Variants in MAPK9 observed in about 807,000 individuals in gnomAD.
MAPK9 encodes mitogen-activated protein kinase 9, also known as Jun kinase.
Under a neutral mutation model 57.1 loss-of-function variants are expected in MAPK9, and 30 were observed. The ratio of observed to expected loss-of-function variants is 0.53; its 90% CI spans 0.39 to 0.71. The LOEUF is 0.71. Ranked by LOEUF, MAPK9 falls within the 30% of genes least tolerant of loss-of-function variation. The pLI is 0.00. For missense variants in MAPK9, 362 were observed against 521.0 expected (o/e 0.69, Z 2.97); for synonymous variants, 155 against 177.0 (o/e 0.88, Z 0.99).
At chr5:180,254,851 G>C (rs1759098600) in intron 5 of MAPK9, among the ~76,000 whole-genome samples, 1 of 152,130 alleles carries the variant, frequency 6.6e-6, no homozygotes, top group South Asian at 2.1e-4. Flanking sequence ...TGGGTAACAA[G>C]GTGAAACCCT....
Position 180,261,640 on chromosome 5 carries a change from C to G in MAPK9, c.450+44G>C, listed in dbSNP as rs1388067925. On this transcript the variant is annotated intron_variant, in intron 5 of 11. Transcript: ENST00000452135. ...TTTGTATGTAAAGGATTATGACAAC[C>G]AAATGATTGTTTTTAAAAATAAAAT... 5 of 1,517,390 alleles carry G rather than the reference C, an allele frequency of 3.3e-6. No homozygotes were observed. The African/African-American group carries it at 7.0e-5, about 21-fold the overall frequency. The allele number at this position is 1,517,390 out of a possible 1,614,324, so 94.0% of individuals were successfully genotyped here.
intron 6 of MAPK9, among the ~76,000 whole-genome samples, chr5:180,248,601 G>GGA (rs1758358986): frequency 1.3e-5 from 2 of 152,294 alleles, no homozygotes; most frequent in East Asian, 3.9e-4. Flanking sequence ...CCATGGTACT[G>GGA]GAGATCAGGA....
chr5:180,263,669 A>C (rs868805469), intron 4 of MAPK9, among the ~76,000 whole-genome samples: 1 of 146,556 alleles, frequency 6.8e-6, no homozygotes, highest in African/African-American at 2.5e-5. Flanking sequence ...TTCTATCTCC[A>C]TTCTACTTGC....
intron 10 of MAPK9, among the ~76,000 whole-genome samples, 163 bp from the exon 11 acceptor site, chr5:180,238,566 A>G (rs1330558062): frequency 3.4e-5 from 5 of 148,780 alleles, no homozygotes; most frequent in African/African-American, 9.9e-5. Context: ...GGACCAAAAT[A>G]TTCATATTTT....
Position 180,242,628 on chromosome 5 carries a change from T to C in MAPK9, c.816A>G (p.Glu272=), listed in dbSNP as rs1304948871. The change falls in exon 8 of 12, where the codon GAA becomes GAG. Residue 272 remains glutamate (E), a synonymous_variant. Transcript: ENST00000452135. ...NRPKYPGIKF[E]ELFPDWIFPS... is the part of the protein sequence containing the mutation. Reference sequence around the variant, plus strand: ...GGAATATCCAATCTGGAAAGAGTTCTTCAAATTTGATTCCAGGATACTTTG... The same window carrying C: ...GGAATATCCAATCTGGAAAGAGTTCCTCAAATTTGATTCCAGGATACTTTG... 6 of 1,614,074 alleles carry C rather than the reference T, an allele frequency of 3.7e-6. No individual in the cohort carries two copies. The highest frequency in any genetic ancestry group is 5.1e-6 in the Non-Finnish European group (6 of 1,180,028).
intron 5 of MAPK9, among the ~76,000 whole-genome samples, chr5:180,260,558 T>G (rs973007379): frequency 6.6e-5 from 10 of 152,192 alleles, no homozygotes; most frequent in African/African-American, 2.4e-4. Context: ...CCACCTTATT[T>G]AACACGAAAA....
chr5:180,249,069 G>C lies in MAPK9; in HGVS notation c.520C>G (p.Arg174Gly). The change falls in exon 6 of 12, where the codon CGG becomes GGG. Residue 174 changes from arginine (R) to glycine (G), a missense_variant. By Grantham distance (125) the Arg-to-Gly change is moderately radical. This residue lies in a region of MAPK9 where 127 missense variants were observed against 231.7 expected (regional missense o/e 0.55). Coordinates refer to ENST00000452135, the MANE Select transcript of MAPK9 (RefSeq NM_002752.5). ...TLKILDFGLA[R>G]TACTNFMMTP... ...ATCATGAAGTTAGTGCACGCTGTCC[G>C]GGCCAGGCCAAAGTCAAGGATCTTC... 6.2e-7 allele frequency: 1 copy of C among 1,614,016 alleles called. No homozygotes were observed. Among genetic ancestry groups the C allele is most frequent in the Non-Finnish European group, 8.5e-7 (1 of 1,179,952 alleles).
intron 9 of MAPK9, among the ~76,000 whole-genome samples, chr5:180,240,396 T>G (rs1056256050): frequency 2.4e-4 from 37 of 152,366 alleles, no homozygotes; most frequent in African/African-American, 8.9e-4. Context: ...AATGTCCAAC[T>G]CATAAATGGA....
chr5:180,288,519 C>G (rs1356547205), intron 1 of MAPK9, among the ~76,000 whole-genome samples: 1 of 152,124 alleles, frequency 6.6e-6, no homozygotes, highest in Non-Finnish European at 1.5e-5. Flanking sequence ...AGAGACCTAC[C>G]GAAGTGTGAA....
chr5:180,289,052 G>C (rs910515178), intron 1 of MAPK9, among the ~76,000 whole-genome samples: 5 of 152,198 alleles, frequency 3.3e-5, no homozygotes, highest in African/African-American at 1.2e-4. Flanking sequence ...CAAGTGTGAG[G>C]TGTAACTACT....
intron 3 of MAPK9, among the ~76,000 whole-genome samples, chr5:180,267,308 TC>T (rs755612957): frequency 1.4e-4 from 21 of 152,082 alleles, no homozygotes; most frequent in Non-Finnish European, 2.8e-4. Context: ...ACGCCTGTAA[TC>T]CCAGCACTTT....
intron 7 of MAPK9, among the ~76,000 whole-genome samples, chr5:180,245,566 G>C (rs950758580): frequency 6.6e-6 from 1 of 152,168 alleles, no homozygotes; most frequent in African/African-American, 2.4e-5. Flanking sequence ...GGAGGGATGG[G>C]GGACAGATGA....
chr5:180,282,537 C>A (rs1288856983), intron 1 of MAPK9, among the ~76,000 whole-genome samples: 2 of 152,212 alleles, frequency 1.3e-5, no homozygotes, highest in African/African-American at 4.8e-5. Flanking sequence ...AAGGAGGAGG[C>A]GGCATCCGCC....
At chr5:180,260,521 T>C (rs1317765484) in intron 5 of MAPK9, among the ~76,000 whole-genome samples, 1 of 152,224 alleles carries the variant, frequency 6.6e-6, no homozygotes, top group Non-Finnish European at 1.5e-5. Flanking sequence ...GGCTCATTTC[T>C]AATGACCATC....
chr5:180,243,834 T>G (rs1757845318), intron 7 of MAPK9, among the ~76,000 whole-genome samples: 1 of 152,174 alleles, frequency 6.6e-6, no homozygotes, highest in African/African-American at 2.4e-5. Flanking sequence ...GTCTCACACC[T>G]TTTCCTTCTG....
intron 4 of MAPK9, among the ~76,000 whole-genome samples, chr5:180,264,297 G>T (rs1401374589): frequency 6.6e-6 from 1 of 152,286 alleles, no homozygotes; most frequent in African/African-American, 2.4e-5. Flanking sequence ...ATTTGTTAAT[G>T]ACTGAACACA....
chr5:180,289,188 TTGTC>T (rs1404700254), intron 1 of MAPK9, among the ~76,000 whole-genome samples: 1 of 152,342 alleles, frequency 6.6e-6, no homozygotes, highest in Admixed American at 6.5e-5. Flanking sequence ...ATTAACTGGT[TTGTC>T]TGGTCCTTTT....
At chr5:180,248,179 G>A (rs1047544066) in intron 6 of MAPK9, among the ~76,000 whole-genome samples, 8 of 152,206 alleles carry the variant, frequency 5.3e-5, no homozygotes, top group Admixed American at 1.3e-4. Flanking sequence ...AGACTTCCAC[G>A]GTGCCCACCC....
At chr5:180,281,944 G>A (rs1762349039) in intron 1 of MAPK9, among the ~76,000 whole-genome samples, 1 of 152,172 alleles carries the variant, frequency 6.6e-6, no homozygotes, top group South Asian at 2.1e-4. Context: ...CACCGCAGGA[G>A]TCTCAGTCCC....
Sources: gnomAD v4.1 joint callset for allele counts (sites outside exome capture counted in the v4.1 genomes callset) on GRCh38, gnomAD v4.1.1 for gene constraint, gnomAD v4.1.1 regional missense constraint, MANE v1.5 for transcripts, NCBI Gene and HGNC (gene_info 2026-07-23, HGNC 2026-07-21) for gene names.